CATSPER2: variants seen among roughly 807,000 people sequenced by gnomAD.
CATSPER2 encodes the protein cation channel sperm-associated protein 2.
CATSPER2 carries 56 observed loss-of-function variants against 68.8 expected under a neutral mutation model. The ratio of observed to expected loss-of-function variants is 0.81; its 90% CI spans 0.66 to 1.02. CATSPER2 has a LOEUF of 1.02. Among genes scored for constraint, CATSPER2 ranks in the 50% least tolerant of loss-of-function variants. The pLI is 0.00. For missense variants in CATSPER2, 582 were observed against 642.0 expected, an observed-to-expected ratio of 0.91 and a Z score of 1.01; for synonymous variants, 198 against 229.9, an observed-to-expected ratio of 0.86 and a Z score of 1.26.
intron 4 of CATSPER2, among the ~76,000 whole-genome samples, chr15:43,646,749 C>G (rs2086172559): frequency 6.9e-6 from 1 of 145,968 alleles, no homozygotes; most frequent in African/African-American, 2.6e-5. Context: ...GAGTTGTACT[C>G]TGTCGCCCAG....
intron 4 of CATSPER2, among the ~76,000 whole-genome samples, chr15:43,644,464 CTATTT>C (rs2086126216): frequency 6.6e-6 from 1 of 151,854 alleles, no homozygotes; most frequent in Non-Finnish European, 1.5e-5. Context: ...TAGTGCTATT[CTATTT>C]TGATTTGTCT....
intron 8 of CATSPER2, 38 bp downstream of exon 8, chr15:43,636,003 C>G (rs763664150): frequency 4.2e-6 from 6 of 1,428,922 alleles, no homozygotes; most frequent in Non-Finnish European, 5.8e-6. Flanking sequence ...TTTTCCCAAC[C>G]ACACTTCCCA....
chr15:43,636,026 C>G lies in CATSPER2; in HGVS notation c.1021+15G>C, dbSNP rs1317930763. On this transcript the variant is annotated intron_variant, in intron 8 of 12. Coordinates refer to ENST00000396879, the MANE Select transcript of CATSPER2 (RefSeq NM_172095.4). Reference sequence around the variant, plus strand: ...ACCACACTTCCCAAACAAGTTTCACCTCCTCTATGCTTACCCATCATGGCT... The same window carrying G: ...ACCACACTTCCCAAACAAGTTTCACGTCCTCTATGCTTACCCATCATGGCT... 4.0e-6 allele frequency: 6 copies of G among 1,513,104 alleles called. No homozygotes were observed. Among genetic ancestry groups the G allele is most frequent in the Non-Finnish European group, 5.5e-6 (6 of 1,096,222 alleles). 93.7% of individuals were successfully genotyped at this position (1,513,104 alleles called of 1,614,324 possible). A position where few individuals can be genotyped will look rare whatever the true frequency, so the allele number is the denominator to read the frequency against.
intron 4 of CATSPER2, among the ~76,000 whole-genome samples, chr15:43,641,393 G>A (rs1387481900): frequency 1.3e-5 from 2 of 151,526 alleles, no homozygotes; most frequent in East Asian, 1.9e-4. Flanking sequence ...GATTATAGGC[G>A]TGAGCCACCA....
Position 43,632,203 on chromosome 15 carries a change from A to G in CATSPER2, c.1557T>C (p.Phe519=). The change falls in exon 12 of 13, where the codon TTT becomes TTC. Residue 519 remains phenylalanine (F), a synonymous_variant. Transcript: ENST00000396879. ...NLEERKKLQE[F]AVQALMNLED... ...ATGACTGCCCTAACTCCATACCTGCAAACTCTTGTAACTTCTTACGTTCCT... is the reference window on the plus strand; with the variant it reads ...ATGACTGCCCTAACTCCATACCTGCGAACTCTTGTAACTTCTTACGTTCCT... The G allele has an allele frequency of 6.2e-7, 1 of 1,613,536 alleles. No individual in the cohort carries two copies. The highest frequency in any genetic ancestry group is 8.5e-7 in the Non-Finnish European group (1 of 1,179,632).
At position 43,630,597 on chromosome 15, in the gene CATSPER2, C is replaced by A; in HGVS notation, c.*104G>T. 6.2e-7 allele frequency: 1 copy of A among 1,606,376 alleles called. No homozygotes were observed. The highest frequency in any genetic ancestry group is 8.5e-7 in the Non-Finnish European group (1 of 1,176,260). On this transcript the variant is annotated 3_prime_UTR_variant, in exon 13 of 13. Transcript: ENST00000396879. The stretch of plus-strand genomic sequence containing the variant: ...ACTTATACTTTTTAATTTTAATGAA[C>A]AGACATTGTTCTATCTGAATGTTTA...
intron 11 of CATSPER2, 150 bp from the exon 12 acceptor site, chr15:43,632,513 T>A: frequency 7.1e-7 from 1 of 1,415,596 alleles, no homozygotes; most frequent in Non-Finnish European, 9.8e-7. Flanking sequence ...AAACCACTTT[T>A]TACAACGAGC....
At chr15:43,632,519 C>G in intron 11 of CATSPER2, 156 bp from the exon 12 acceptor site, 1 of 1,365,428 alleles carries the variant, frequency 7.3e-7, no homozygotes, top group South Asian at 1.2e-5. Flanking sequence ...CTTTTTACAA[C>G]GAGCAAAGAG....
chr15:43,633,821 G>A (rs1040411505), intron 10 of CATSPER2: 2 of 151,750 alleles, frequency 1.3e-5, no homozygotes, highest in African/African-American at 2.4e-5. Flanking sequence ...GCCAGGCATG[G>A]TGGCGGACAC....
intron 10 of CATSPER2, 182 bp from the exon 11 acceptor site, chr15:43,633,116 T>C (rs2085905131): frequency 4.2e-6 from 4 of 942,994 alleles, no homozygotes; most frequent in Non-Finnish European, 6.2e-6. Context: ...TCCTTAACTC[T>C]TCTCTCCCCT....
chr15:43,648,385 C>A (rs1034531993), intron 1 of CATSPER2, among the ~76,000 whole-genome samples: 1 of 151,978 alleles, frequency 6.6e-6, no homozygotes, highest in Non-Finnish European at 1.5e-5. Context: ...GGAGCAGCCA[C>A]AAGGGCAGGG....
chr15:43,640,541 A>G, intron 4 of CATSPER2, 45 bp from the exon 5 acceptor site: 1 of 1,612,236 alleles, frequency 6.2e-7, no homozygotes, highest in Non-Finnish European at 8.5e-7. Context: ...AGGAAGCTGG[A>G]AACCGAATGA....
At chr15:43,634,020 C>T (rs1015305110) in intron 10 of CATSPER2, 10 of 151,598 alleles carry the variant, frequency 6.6e-5, no homozygotes, top group African/African-American at 2.2e-4. Flanking sequence ...TCCCAATCTC[C>T]CTTAACCTGT....
intron 11 of CATSPER2, 167 bp downstream of exon 11, chr15:43,632,550 G>A (rs3097764): frequency 1.7e-5 from 25 of 1,465,262 alleles, no homozygotes; most frequent in Admixed American, 5.5e-5. Context: ...ACACTTACCC[G>A]AAGTGAAGAA....
rs1181520505 is a variant in CATSPER2, at chr15:43,648,838, G to C, written c.-212C>G. On this transcript the variant is annotated 5_prime_UTR_variant, in exon 1 of 13. Coordinates refer to ENST00000396879, the MANE Select transcript of CATSPER2 (RefSeq NM_172095.4). The stretch of plus-strand genomic sequence containing the variant: ...CCTACCCACAGCCCAGGACCATGCG[G>C]AGCAACGCTCGCCCAGCCACTCGCC... 3.1e-5 allele frequency: 48 copies of C among 1,529,700 alleles called. No homozygotes were observed. The highest frequency in any genetic ancestry group is 3.9e-5 in the Non-Finnish European group (45 of 1,142,524). 94.8% of individuals were successfully genotyped at this position (1,529,700 alleles called of 1,614,324 possible).
intron 7 of CATSPER2, among the ~76,000 whole-genome samples, chr15:43,638,565 G>A (rs987128690): frequency 6.6e-6 from 1 of 151,674 alleles, no homozygotes; most frequent in African/African-American, 2.4e-5. Context: ...GGGATTTCAG[G>A]GGTGAGCCAC....
At chr15:43,645,411 A>G (rs2086146407) in intron 4 of CATSPER2, among the ~76,000 whole-genome samples, 1 of 151,892 alleles carries the variant, frequency 6.6e-6, no homozygotes, top group East Asian at 1.9e-4. Flanking sequence ...TGAACTGGCT[A>G]CAGGCACTGG....
chr15:43,641,657 T>A (rs1249750020), intron 4 of CATSPER2, among the ~76,000 whole-genome samples: 2 of 151,932 alleles, frequency 1.3e-5, no homozygotes, highest in East Asian at 3.9e-4. Flanking sequence ...ATCCCTAGAA[T>A]TTTACAGAGG....
rs748353276 is a variant in CATSPER2 at position 43,639,754 on chromosome 15, T to C, written c.606A>G (p.Gln202=). 19 of 1,612,140 alleles carry C rather than the reference T, an allele frequency of 1.2e-5. No homozygotes were observed. The East Asian group carries it at 4.0e-4, about 34-fold the overall frequency. ...TCCTCAGAAGCTGAAGCCACACCGA[T>C]TGGCCTGTTACCCCTACCAATACCA... The part of the protein sequence containing the change: ...EVVVLVGVTG[Q]SVWLQLLRIC... Residue 202 remains glutamine (Q), a synonymous_variant, in exon 6 of 13, where the codon CAA becomes CAG. Transcript: ENST00000396879.
Sources: allele counts gnomAD v4.1 joint callset (sites outside exome capture counted in the v4.1 genomes callset), GRCh38; gene constraint gnomAD v4.1.1; transcripts MANE v1.5; gene names NCBI Gene and HGNC (gene_info 2026-07-23, HGNC 2026-07-21).